PTPRD: variants seen among roughly 807,000 people sequenced by gnomAD.
PTPRD encodes receptor-type tyrosine-protein phosphatase delta.
A neutral mutation model predicts 214.5 loss-of-function variants in PTPRD; 34 were observed. The observed-to-expected ratio is 0.16, with a 90% CI of 0.12 to 0.21. The LOEUF (loss-of-function observed/expected upper bound fraction) is 0.21, where lower values mean the gene tolerates loss of function less well. PTPRD is among the 10% of genes least tolerant of loss of function. The pLI, the probability that PTPRD is intolerant of heterozygous loss-of-function variation, is 1.00. For missense variants in PTPRD, 2,545 were observed against 2,398.7 expected, an observed-to-expected ratio of 1.06 and a Z score of -1.27; for synonymous variants, 1,128 against 845.7, an observed-to-expected ratio of 1.33 and a Z score of -5.79.
At chr9:9,563,344 T>A (rs956116309) in intron 8 of PTPRD, among the ~76,000 whole-genome samples, 5 of 152,130 alleles carry the variant, frequency 3.3e-5, no homozygotes, top group African/African-American at 1.2e-4. Flanking sequence ...TCAGAATGCT[T>A]TGACAATATG....
intron 10 of PTPRD, among the ~76,000 whole-genome samples, chr9:9,161,969 T>G (rs189196841): frequency 3.3e-5 from 5 of 152,058 alleles, no homozygotes; most frequent in African/African-American, 9.6e-5. Context: ...ATTTTAAGAT[T>G]TTTTTTTGTC....
At position 8,315,759 on chromosome 9, in the gene PTPRD, C is replaced by T. The variant is rs190388550; in HGVS notation, c.*2115G>A. On this transcript the variant is annotated 3_prime_UTR_variant, in exon 46 of 46. Coordinates refer to ENST00000381196, the MANE Select transcript of PTPRD (RefSeq NM_002839.4). ...TGGGAAAATGTGGAAAACAAAAATC[C>T]TTCCATGCAGAACATCCATGAAGCT... The T allele has an allele frequency of 2.5e-4, 57 of 228,760 alleles. No individual in the cohort carries two copies. The East Asian group carries it at 3.4e-3, about 14-fold the overall frequency. 14.2% of individuals were successfully genotyped at this position (228,760 alleles called of 1,614,324 possible). A position where few individuals can be genotyped will look rare whatever the true frequency, so the allele number is the denominator to read the frequency against.
intron 2 of PTPRD, among the ~76,000 whole-genome samples, chr9:10,446,732 C>G (rs2098802565): frequency 6.6e-6 from 1 of 152,038 alleles, no homozygotes; most frequent in African/African-American, 2.4e-5. Context: ...ACCAGTAAAC[C>G]TCAGGAGACT....
chr9:9,815,016 C>T (rs553939054), intron 5 of PTPRD, among the ~76,000 whole-genome samples: 1 of 151,962 alleles, frequency 6.6e-6, no homozygotes, highest in South Asian at 2.1e-4. Context: ...CCCACCTCAG[C>T]CTCCCAAAGT....
intron 11 of PTPRD, among the ~76,000 whole-genome samples, chr9:8,934,522 T>TATATATATAAATATATATATATAA (rs2098983233): frequency 1.0e-5 from 1 of 99,198 alleles, no homozygotes; most frequent in African/African-American, 3.6e-5. Flanking sequence ...TATATATAAA[T>TATATATATAAATATATATATATAA]ATATATATAT....
At chr9:10,036,546 A>G (rs1567229732) in intron 3 of PTPRD, among the ~76,000 whole-genome samples, 1 of 150,612 alleles carries the variant, frequency 6.6e-6, no homozygotes. Context: ...TTTTGCCAGG[A>G]TTCCACAAAC....
At chr9:9,855,058 G>A (rs558227899) in intron 5 of PTPRD, among the ~76,000 whole-genome samples, 43 of 152,140 alleles carry the variant, frequency 2.8e-4, no homozygotes, top group African/African-American at 9.7e-4. Context: ...CCCCATAGCC[G>A]ATGGTGGCTT....
intron 33 of PTPRD, chr9:8,454,699 C>T: frequency 1.7e-6 from 2 of 1,196,218 alleles, no homozygotes; most frequent in Non-Finnish European, 2.4e-6. Context: ...ATAGTGTTCA[C>T]AAGCAAGGAC....
At chr9:10,571,785 G>A (rs1380968774) in intron 2 of PTPRD, among the ~76,000 whole-genome samples, 1 of 152,108 alleles carries the variant, frequency 6.6e-6, no homozygotes, top group African/African-American at 2.4e-5. Flanking sequence ...ATTCTCATAA[G>A]GAACAGGCGA....
At chr9:10,127,496 T>C (rs947521417) in intron 3 of PTPRD, among the ~76,000 whole-genome samples, 1 of 152,174 alleles carries the variant, frequency 6.6e-6, no homozygotes, top group African/African-American at 2.4e-5. Flanking sequence ...AAATCAAGCA[T>C]ATTTCTCTCT....
At chr9:9,629,307 A>C (rs183556175) in intron 7 of PTPRD, among the ~76,000 whole-genome samples, 31 of 150,300 alleles carry the variant, frequency 2.1e-4, no homozygotes, top group African/African-American at 7.6e-4. Context: ...ATTATATTTT[A>C]GGTATTTATT....
At chr9:8,633,293 G>A (rs751134389) in intron 14 of PTPRD, 24 bp downstream of exon 14, 5 of 1,604,400 alleles carry the variant, frequency 3.1e-6, no homozygotes, top group East Asian at 2.2e-5. Flanking sequence ...TGACACAAAC[G>A]ACAACCTTCA....
At position 8,868,476 on chromosome 9, in the gene PTPRD, T is replaced by C. The variant is rs565896846; in HGVS notation, c.-103-134530A>G. ...GCCTTGGCCTCCCAAAGTGCTGGGATTACAGGCATGAGCCACTGTGCCCAG... is the reference window on the plus strand; with the variant it reads ...GCCTTGGCCTCCCAAAGTGCTGGGACTACAGGCATGAGCCACTGTGCCCAG... On this transcript the variant is annotated intron_variant, in intron 11 of 45. Coordinates refer to ENST00000381196, the MANE Select transcript of PTPRD (RefSeq NM_002839.4). 3.7e-4 allele frequency among the ~76,000 whole-genome samples: 56 copies of C among 152,232 alleles called. 1 individual carries two copies. The South Asian group carries it at 0.011, about 31-fold the overall frequency.
Position 8,518,227 on chromosome 9 carries a change from A to T in PTPRD, c.1164T>A (p.Asp388Glu), listed in dbSNP as rs2138549509. The stretch of plus-strand genomic sequence containing the variant: ...TGACAGCAACAACCCTGAATTCATA[A>T]TCCGAGTAGGGACTTAGTCCAGCGA... ...YSVAGLSPYS[D>E]YEFRVVAVNN... Residue 388 changes from aspartate to glutamate, a missense_variant, in exon 21 of 46, where the codon GAT becomes GAA. Physicochemically the swap from Asp to Glu is conservative, Grantham distance 45 (BLOSUM62 2). Coordinates refer to ENST00000381196, the MANE Select transcript of PTPRD (RefSeq NM_002839.4). 1 of 1,614,146 alleles carries T rather than the reference A, an allele frequency of 6.2e-7. No homozygotes were observed. The highest frequency in any genetic ancestry group is 1.1e-5 in the South Asian group (1 of 91,078).
intron 14 of PTPRD, among the ~76,000 whole-genome samples, chr9:8,551,882 G>C (rs1269038615): frequency 1.3e-5 from 2 of 152,162 alleles, no homozygotes; most frequent in Non-Finnish European, 2.9e-5. Context: ...ATGTGATCCA[G>C]TCATCCTGTT....
intron 9 of PTPRD, among the ~76,000 whole-genome samples, chr9:9,200,116 G>A (rs536043344): frequency 1.1e-4 from 17 of 152,322 alleles, no homozygotes; most frequent in Non-Finnish European, 2.1e-4. Context: ...GAAATAAGTT[G>A]CCTCTGCTCC....
At position 10,432,224 on chromosome 9, in the gene PTPRD, G is replaced by A. The variant is rs576102501; in HGVS notation, c.-599-91207C>T. ...CACCGCATATTCTCACTCATAGGCG[G>A]GAATTGAACAATGAGATCACATGGA... On this transcript the variant is annotated intron_variant, in intron 2 of 45. Transcript: ENST00000381196. 3.1e-3 allele frequency among the ~76,000 whole-genome samples: 446 copies of A among 143,850 alleles called. 2 individuals are homozygous for A. Among genetic ancestry groups the A allele is most frequent in the African/African-American group, 0.011 (427 of 38,690 alleles). The allele number at this position is 143,850 out of a possible 152,430, so 94.4% of individuals were successfully genotyped here.
intron 5 of PTPRD, among the ~76,000 whole-genome samples, chr9:9,915,839 A>T (rs552709907): frequency 6.6e-6 from 1 of 152,186 alleles, no homozygotes; most frequent in Admixed American, 6.5e-5. Context: ...GTTTTGTTAG[A>T]GGGATGGACA....
chr9:9,663,113 T>A (rs535108444), intron 7 of PTPRD, among the ~76,000 whole-genome samples: 1 of 151,702 alleles, frequency 6.6e-6, no homozygotes, highest in Middle Eastern at 3.4e-3. Flanking sequence ...TGTGTTTATA[T>A]GCATGTAGAT....
Sources: allele counts gnomAD v4.1 joint callset (sites outside exome capture counted in the v4.1 genomes callset), GRCh38; gene constraint gnomAD v4.1.1; transcripts MANE v1.5; gene names NCBI Gene and HGNC (gene_info 2026-07-23, HGNC 2026-07-21).